Variants in RBFOX3 observed in about 807,000 individuals in gnomAD.
RBFOX3 encodes RNA binding protein fox-1 homolog 3.
A neutral mutation model predicts 48.7 loss-of-function variants in RBFOX3; 17 were observed. The ratio of observed to expected loss-of-function variants is 0.35; its 90% CI spans 0.24 to 0.52. RBFOX3 has a LOEUF of 0.52. Among genes scored for constraint, RBFOX3 ranks in the 20% least tolerant of loss-of-function variants. The pLI, the probability that RBFOX3 is intolerant of heterozygous loss-of-function variation, is 0.94. For synonymous variants in RBFOX3, 212 were observed against 209.5 expected (o/e 1.01, Z -0.10); for missense variants, 382 against 497.5 (o/e 0.77, Z 2.21).
chr17:79,321,028 T>A (rs2078449147), intron 2 of RBFOX3, among the ~76,000 whole-genome samples: 1 of 152,026 alleles, frequency 6.6e-6, no homozygotes, highest in Admixed American at 6.5e-5. Flanking sequence ...GGCCCAAGGG[T>A]CCCAACAGAG....
intron 1 of RBFOX3, among the ~76,000 whole-genome samples, chr17:79,609,345 A>G (rs35365025): frequency 0.061 from 9,237 of 151,986 alleles, 1,188 homozygotes; most frequent in East Asian, 0.55. Context: ...CCCGAGTCCA[A>G]CCTGCGTTTG....
At chr17:79,120,604 T>A (rs2035433092) in intron 4 of RBFOX3, among the ~76,000 whole-genome samples, 1 of 137,804 alleles carries the variant, frequency 7.3e-6, no homozygotes, top group Non-Finnish European at 1.6e-5. Context: ...GATGGAAAGA[T>A]GGATGAATGG....
chr17:79,373,993 G>A (rs1316267982), intron 2 of RBFOX3, among the ~76,000 whole-genome samples: 1 of 152,140 alleles, frequency 6.6e-6, no homozygotes, highest in African/African-American at 2.4e-5. Flanking sequence ...TGAGTAGCTG[G>A]GATTACAGGG....
chr17:79,230,736 GGCTCACGAGTGCTTCTGACAGCCCTGTA>G (rs1455981271), intron 4 of RBFOX3, among the ~76,000 whole-genome samples: 26 of 152,270 alleles, frequency 1.7e-4, no homozygotes, highest in Admixed American at 6.5e-5. Context: ...GTGTGTCCCA[GGCTCACGAGTGCTTCTGACAGCCCTGTA>G]GCTCGTCTCC....
At chr17:79,536,479 TAA>T (rs2088775719) in intron 1 of RBFOX3, among the ~76,000 whole-genome samples, 1 of 152,244 alleles carries the variant, frequency 6.6e-6, no homozygotes, top group Admixed American at 6.5e-5. Context: ...TGAACATCTG[TAA>T]ATCTGCCAGC....
At position 79,090,654 on chromosome 17, in the gene RBFOX3, G is replaced by C; in HGVS notation, c.*229C>G. ...CTGTGCTGCCAGCCAGGACGCGGTG[G>C]GGCCGTCCTGTCCTGGGGCCGCTCC... On this transcript the variant is annotated 3_prime_UTR_variant, in exon 15 of 15. Coordinates refer to ENST00000693108, the MANE Select transcript of RBFOX3 (RefSeq NM_001350451.2). The C allele has an allele frequency of 1.8e-6, 1 of 548,420 alleles. No individual in the cohort carries two copies. Among genetic ancestry groups the C allele is most frequent in the South Asian group, 2.6e-5 (1 of 38,938 alleles). The allele number at this position is 548,420 out of a possible 1,614,324, so 34.0% of individuals were successfully genotyped here.
chr17:79,380,562 G>A (rs1275561660), intron 2 of RBFOX3, among the ~76,000 whole-genome samples: 1 of 152,370 alleles, frequency 6.6e-6, no homozygotes, highest in African/African-American at 2.4e-5. Context: ...CTGAGCCAGA[G>A]AGCAGGGACC....
At chr17:79,169,507 G>A (rs1483243806) in intron 4 of RBFOX3, among the ~76,000 whole-genome samples, 5 of 152,120 alleles carry the variant, frequency 3.3e-5, no homozygotes, top group African/African-American at 9.7e-5. Context: ...CCAGGACCCC[G>A]CCTGCCTCCG....
the RBFOX3 span, among the ~76,000 whole-genome samples, chr17:79,641,239 A>G: frequency 6.6e-6 from 1 of 152,148 alleles, no homozygotes; most frequent in East Asian, 1.9e-4. Flanking sequence ...GCAAAGCAAA[A>G]CCACAGTTAG....
chr17:79,107,789 CTGTT>C (rs909923436), intron 5 of RBFOX3, among the ~76,000 whole-genome samples: 8 of 152,348 alleles, frequency 5.3e-5, no homozygotes, highest in Middle Eastern at 3.4e-3. Context: ...GCCTCGCAGG[CTGTT>C]TGTTTTCCCG....
At chr17:79,579,492 C>A (rs1009892156) in intron 1 of RBFOX3, among the ~76,000 whole-genome samples, 5 of 152,188 alleles carry the variant, frequency 3.3e-5, no homozygotes, top group Non-Finnish European at 5.9e-5. Flanking sequence ...CTGGGACCTG[C>A]TCGGGGCAGG....
At chr17:79,284,491 T>C (rs1351794935) in intron 3 of RBFOX3, among the ~76,000 whole-genome samples, 3 of 150,512 alleles carry the variant, frequency 2.0e-5, no homozygotes, top group African/African-American at 7.3e-5. Context: ...AGCTGAAGGC[T>C]CAGAGCAGTC....
chr17:79,572,824 G>T (rs922225668), intron 1 of RBFOX3, among the ~76,000 whole-genome samples: 1 of 152,166 alleles, frequency 6.6e-6, no homozygotes, highest in Non-Finnish European at 1.5e-5. Flanking sequence ...CTGCAGGGAC[G>T]CAGAGGCTGG....
intron 1 of RBFOX3, among the ~76,000 whole-genome samples, chr17:79,484,824 C>G (rs1479392880): frequency 6.6e-6 from 1 of 152,144 alleles, no homozygotes; most frequent in Non-Finnish European, 1.5e-5. Context: ...CTGCACCTAG[C>G]CTCCTCTGAG....
chr17:79,170,141 G>GAA (rs1555728695), intron 4 of RBFOX3, among the ~76,000 whole-genome samples: 2 of 109,044 alleles, frequency 1.8e-5, no homozygotes, highest in African/African-American at 1.1e-4. Context: ...GAGGAAGGAG[G>GAA]GAAGGAAGGA....
intron 2 of RBFOX3, among the ~76,000 whole-genome samples, chr17:79,437,097 A>T (rs1404649686): frequency 6.6e-6 from 1 of 152,082 alleles, no homozygotes; most frequent in Non-Finnish European, 1.5e-5. Flanking sequence ...AGTGCTCAGG[A>T]GGGTCTCTGG....
chr17:79,539,346 T>C (rs560662504), intron 1 of RBFOX3, among the ~76,000 whole-genome samples: 2 of 152,278 alleles, frequency 1.3e-5, no homozygotes, highest in Admixed American at 1.3e-4. Flanking sequence ...AGTGAGACCT[T>C]GTCTCAAAGA....
chr17:79,456,773 C>A (rs1483796565), intron 2 of RBFOX3, among the ~76,000 whole-genome samples: 1 of 152,124 alleles, frequency 6.6e-6, no homozygotes, highest in Non-Finnish European at 1.5e-5. Flanking sequence ...CCTGGCCCGG[C>A]CGGCTCTCTC....
At chr17:79,291,439 T>C (rs1449747576) in intron 3 of RBFOX3, among the ~76,000 whole-genome samples, 1 of 152,134 alleles carries the variant, frequency 6.6e-6, no homozygotes, top group African/African-American at 2.4e-5. Context: ...TTAAATACAG[T>C]AGGAATCTGC....
Sources: allele counts gnomAD v4.1 joint callset (sites outside exome capture counted in the v4.1 genomes callset), GRCh38; gene constraint gnomAD v4.1.1; transcripts MANE v1.5; gene names NCBI Gene and HGNC (gene_info 2026-07-23, HGNC 2026-07-21).